The following PHC1 variants were observed in gnomAD, a reference collection of about 807,000 sequenced individuals.
PHC1 encodes the protein polyhomeotic-like protein 1.
A neutral mutation model predicts 104.3 loss-of-function variants in PHC1; 12 were observed. The observed-to-expected ratio is 0.12, with a 90% CI of 0.07 to 0.19. The LOEUF (loss-of-function observed/expected upper bound fraction) is 0.19. Ranked by LOEUF, PHC1 falls within the 10% of genes least tolerant of loss-of-function variation. PHC1 has a pLI of 1.00. For missense variants in PHC1, 671 were observed against 1,200.0 expected (o/e 0.56, Z 6.51); for synonymous variants, 302 against 455.8 (o/e 0.66, Z 4.30).
chr12:8,930,827 A>G lies in PHC1; in HGVS notation c.1005A>G (p.Ala335=), dbSNP rs2377670. 7.1e-6 allele frequency: 11 copies of G among 1,539,376 alleles called. No individual in the cohort carries two copies. Among genetic ancestry groups the G allele is most frequent in the East Asian group, 2.3e-5 (1 of 44,422 alleles). Residue 335 remains alanine, a synonymous_variant, in exon 7 of 15, where the codon GCA becomes GCG. Transcript: ENST00000544916. Reference sequence around the variant, plus strand: ...GCCAGACAGAGGCAGAAAGTGCAGCAGCCAAGAAGGCAGAAGCAGATGGGA... The same window carrying G: ...GCCAGACAGAGGCAGAAAGTGCAGCGGCCAAGAAGGCAGAAGCAGATGGGA... ...QGSQTEAESA[A]AKKAEADGSG...
At chr12:8,921,152 GT>G in intron 4 of PHC1, 87 bp downstream of exon 4, 2 of 998,784 alleles carry the variant, frequency 2.0e-6, no homozygotes, top group Non-Finnish European at 3.0e-6. Context: ...ATCTGAGAGT[GT>G]TTATTGAGCC....
intron 1 of PHC1, among the ~76,000 whole-genome samples, chr12:8,915,555 T>A (rs1375510216): frequency 2.0e-5 from 3 of 152,172 alleles, no homozygotes; most frequent in Non-Finnish European, 2.9e-5. Context: ...CCCAACCCCA[T>A]GTATGCCCAC....
rs201697448 is a variant in PHC1 at position 8,940,510 on chromosome 12, GAAA to G, written c.*1056_*1058del. On this transcript the variant is annotated 3_prime_UTR_variant, in exon 15 of 15. Coordinates refer to ENST00000544916, the MANE Select transcript of PHC1 (RefSeq NM_004426.3). ...TAACATTATTTTCCCTGTTTAGAAAGAAAAAAATCACTCCAATAGTATTGAAAA... is the reference window on the plus strand; with the variant it reads ...TAACATTATTTTCCCTGTTTAGAAAGAAAATCACTCCAATAGTATTGAAAA... 7.8e-6 allele frequency: 1 copy of G among 127,716 alleles called. No homozygotes were observed. The highest frequency in any genetic ancestry group is 2.5e-4 in the East Asian group (1 of 3,988). The allele number at this position is 127,716 out of a possible 1,614,324, so 7.9% of individuals were successfully genotyped here.
intron 2 of PHC1, 50 bp downstream of exon 2, chr12:8,917,841 A>G (rs764695299): frequency 1.1e-6 from 1 of 946,752 alleles, no homozygotes; most frequent in Non-Finnish European, 1.6e-6. Flanking sequence ...GGCTTGTGGT[A>G]GGCAGTGATG....
At chr12:8,936,227 T>C (rs1179271675) in intron 11 of PHC1, among the ~76,000 whole-genome samples, 1 of 152,110 alleles carries the variant, frequency 6.6e-6, no homozygotes, top group Non-Finnish European at 1.5e-5. Context: ...CAAAAAAATA[T>C]AAAAATTAAC....
In PHC1 at chr12:8,919,775, G is replaced by A. The variant is rs771039186; in HGVS notation, c.134G>A (p.Arg45Gln). ...QAVQALQALQRQPNAAQYFHQ... is the reference protein window; with the variant it reads ...QAVQALQALQQQPNAAQYFHQ... Reference sequence around the variant, plus strand: ...TCCTAGGCTCTGCAAGCACTGCAGCGGCAGCCCAATGCAGCTCAGTATTTC... The same window carrying A: ...TCCTAGGCTCTGCAAGCACTGCAGCAGCAGCCCAATGCAGCTCAGTATTTC... Residue 45 changes from arginine (R) to glutamine (Q), a missense_variant, in exon 3 of 15, where the codon CGG becomes CAG. Arg to Gln is a conservative substitution (Grantham distance 43). Coordinates refer to ENST00000544916, the MANE Select transcript of PHC1 (RefSeq NM_004426.3). The surrounding 1 kb of genome is among the most constrained non-coding windows in gnomAD (Gnocchi z 4.9). 6 of 1,612,336 alleles carry A rather than the reference G, an allele frequency of 3.7e-6. No homozygotes were observed. The highest frequency in any genetic ancestry group is 5.1e-6 in the Non-Finnish European group (6 of 1,179,638).
chr12:8,931,858 TGG>T (rs1945695569), intron 7 of PHC1, among the ~76,000 whole-genome samples: 1 of 152,250 alleles, frequency 6.6e-6, no homozygotes, highest in African/African-American at 2.4e-5. Context: ...TTACTATACT[TGG>T]TATTTATATA....
intron 10 of PHC1, 57 bp from the exon 11 acceptor site, chr12:8,935,067 C>A: frequency 1.2e-6 from 1 of 840,690 alleles, no homozygotes; most frequent in Non-Finnish European, 1.9e-6. Flanking sequence ...TTGGGGAAAG[C>A]TATAGAGAAG....
upstream of PHC1, among the ~76,000 whole-genome samples, chr12:8,914,115 C>A (rs1403225642): frequency 2.0e-5 from 3 of 151,958 alleles, no homozygotes; most frequent in East Asian, 5.8e-4. Flanking sequence ...CCCTTTGATC[C>A]TTTCTTTCTA....
In PHC1 at chr12:8,937,877, G is replaced by T. The variant is rs1341119560; in HGVS notation, c.2677G>T (p.Ala893Ser). ...RGSDNSSYDEALSPTSPGPLS... is the reference protein window; with the variant it reads ...RGSDNSSYDESLSPTSPGPLS... ...TTCAGATAATTCCAGTTATGATGAA[G>T]CACTCTCTCCAACATCTCCTGGGCC... Residue 893 changes from alanine (A) to serine (S), a missense_variant, in exon 14 of 15, where the codon GCA becomes TCA. This residue lies in a region of PHC1 where 192 missense variants were observed against 280.5 expected (regional missense o/e 0.68). Transcript: ENST00000544916. 6.2e-7 allele frequency: 1 copy of T among 1,613,108 alleles called. No homozygotes were observed. The highest frequency in any genetic ancestry group is 1.7e-5 in the Admixed American group (1 of 59,988).
chr12:8,914,922 C>T (rs1437233223), intron 1 of PHC1, 95 bp downstream of exon 1: 1 of 154,000 alleles, frequency 6.5e-6, no homozygotes, highest in Non-Finnish European at 1.4e-5. Context: ...GTGTAACGCC[C>T]CAGGTACCTC....
At chr12:8,921,546 C>G (rs1945363308) in intron 4 of PHC1, 55 bp from the exon 5 acceptor site, 3 of 1,549,542 alleles carry the variant, frequency 1.9e-6, no homozygotes, top group Admixed American at 3.4e-5. Flanking sequence ...AGTCACGTAC[C>G]TTTCCTTTTA....
Position 8,937,043 on chromosome 12 carries a change from A to C in PHC1, c.2477+79A>C, listed in dbSNP as rs991442078. ...TACACCCCTTCCCCAGGATCGTCTC[A>C]TAGCTGATATTTTATGTCTCCCTCC... On this transcript the variant is annotated intron_variant, in intron 12 of 14. Coordinates refer to ENST00000544916, the MANE Select transcript of PHC1 (RefSeq NM_004426.3). The C allele has an allele frequency of 5.9e-5, 81 of 1,384,418 alleles. 1 individual carries two copies. In the African/African-American group the frequency reaches 1.1e-3, roughly 18 times the overall value. 85.8% of individuals were successfully genotyped at this position (1,384,418 alleles called of 1,614,324 possible). A position where few individuals can be genotyped will look rare whatever the true frequency, so the allele number is the denominator to read the frequency against.
intron 10 of PHC1, 34 bp from the exon 11 acceptor site, chr12:8,935,090 A>G (rs1945795811): frequency 2.8e-6 from 3 of 1,089,010 alleles, no homozygotes; most frequent in Non-Finnish European, 4.1e-6. Context: ...GAAGGGGATC[A>G]GGCTAACTTA....
At chr12:8,933,831 C>A in intron 8 of PHC1, 34 bp from the exon 9 acceptor site, 1 of 1,571,564 alleles carries the variant, frequency 6.4e-7, no homozygotes, top group Non-Finnish European at 8.7e-7. Flanking sequence ...TTCATTTGTA[C>A]ATCTTTGTTT....
intron 5 of PHC1, 44 bp from the exon 6 acceptor site, chr12:8,922,580 GTCTCTTCTT>G: frequency 6.8e-7 from 1 of 1,479,288 alleles, no homozygotes; most frequent in Admixed American, 2.0e-5. Context: ...CATCTCTTCT[GTCTCTTCTT>G]TCCCTCTTGT....
chr12:8,929,399 G>A (rs111762714), intron 6 of PHC1, among the ~76,000 whole-genome samples: 3,304 of 152,050 alleles, frequency 0.022, 114 homozygotes, highest in African/African-American at 0.075. Flanking sequence ...CTTATCCACA[G>A]CCTGCCTTCC....
At chr12:8,921,138 G>A (rs767687568) in intron 4 of PHC1, 73 bp downstream of exon 4, 110 of 1,115,854 alleles carry the variant, frequency 9.9e-5, no homozygotes, top group Non-Finnish European at 1.2e-4. Context: ...ACTTTGTGCC[G>A]CTGATCTGAG....
intron 6 of PHC1, among the ~76,000 whole-genome samples, chr12:8,924,890 C>G (rs1945473695): frequency 6.6e-6 from 1 of 152,238 alleles, no homozygotes; most frequent in Non-Finnish European, 1.5e-5. Flanking sequence ...TCTAACAGTT[C>G]CTGGAGAAGA....
Sources: gnomAD v4.1 joint callset for allele counts (sites outside exome capture counted in the v4.1 genomes callset) on GRCh38, gnomAD v4.1.1 for gene constraint, gnomAD v4.1.1 regional missense constraint, Gnocchi (gnomAD v3.1) non-coding constraint, MANE v1.5 for transcripts, NCBI Gene and HGNC (gene_info 2026-07-23, HGNC 2026-07-21) for gene names.